IKBKE: variants seen among roughly 807,000 people sequenced by gnomAD.
IKBKE encodes the protein inhibitor of nuclear factor kappa-B kinase subunit epsilon.
Under a neutral mutation model 92.1 loss-of-function variants are expected in IKBKE, and 45 were observed. The observed-to-expected ratio is 0.49, with a 90% CI of 0.38 to 0.63. The LOEUF is 0.63. Ranked by LOEUF, IKBKE falls within the 20% of genes least tolerant of loss-of-function variation. IKBKE has a pLI of 0.00. For synonymous variants in IKBKE, 374 were observed against 380.3 expected, an observed-to-expected ratio of 0.98 and a Z score of 0.19; for missense variants, 700 against 932.8, an observed-to-expected ratio of 0.75 and a Z score of 3.25.
At chr1:206,484,091 T>TTG (rs1553387919) in intron 13 of IKBKE, among the ~76,000 whole-genome samples, 3 of 149,682 alleles carry the variant, frequency 2.0e-5, no homozygotes, top group Admixed American at 6.7e-5. Flanking sequence ...TGCCTGGCTT[T>TTG]TATTTTGTAT....
rs782485155 is a variant in IKBKE, at chr1:206,493,270, T to C, written c.1937T>C (p.Leu646Pro). 6.2e-7 allele frequency: 1 copy of C among 1,613,472 alleles called. No individual in the cohort carries two copies. Among genetic ancestry groups the C allele is most frequent in the East Asian group, 2.2e-5 (1 of 44,884 alleles). Residue 646 changes from leucine (L) to proline (P), a missense_variant, in exon 20 of 22, where the codon CTG (leucine) becomes CCG (proline). Physicochemically the swap from Leu to Pro is moderately conservative, Grantham distance 98 (BLOSUM62 -3). Transcript: ENST00000581977. ...QGVQESLSKLLEELSHQLLQD... is the reference protein window; with the variant it reads ...QGVQESLSKLPEELSHQLLQD... ...CAAAGTATGGCTTCCCTGCAGCTCC[T>C]GGAAGAGCTATCTCACCAGCTCCTT...
At chr1:206,496,048 C>A in intron 21 of IKBKE, 64 bp from the exon 22 acceptor site, 1 of 1,292,578 alleles carries the variant, frequency 7.7e-7, no homozygotes, top group Non-Finnish European at 1.1e-6. Flanking sequence ...GTGCTGGGCC[C>A]TGGAGTGTGG....
chr1:206,478,442 C>G lies in IKBKE; in HGVS notation c.992+103C>G, dbSNP rs1665191078. ...CACAGTACGTTCTGAGGAGTGTGTA[C>G]ATAGGAACGCTTCCAGGTCCAAACG... On this transcript the variant is annotated intron_variant, in intron 9 of 21. Coordinates refer to ENST00000581977, the MANE Select transcript of IKBKE (RefSeq NM_014002.4). This position sits in a 1 kb window ranked among gnomAD's most constrained non-coding sequence, Gnocchi z 4.8. 2.6e-6 allele frequency: 3 copies of G among 1,163,460 alleles called. No individual in the cohort carries two copies. The South Asian group carries it at 4.0e-5, about 16-fold the overall frequency. 72.1% of individuals were successfully genotyped at this position (1,163,460 alleles called of 1,614,324 possible).
At chr1:206,475,214 T>C (rs2103451934) in intron 5 of IKBKE, 1 of 538,114 alleles carries the variant, frequency 1.9e-6, no homozygotes, top group Middle Eastern at 4.8e-4. Flanking sequence ...ATGTGGGAGG[T>C]ACCTAAAATA....
At chr1:206,477,971 G>T in intron 8 of IKBKE, 112 bp downstream of exon 8, 1 of 902,642 alleles carries the variant, frequency 1.1e-6, no homozygotes, top group Non-Finnish European at 1.7e-6. Context: ...CATGCTGCAG[G>T]CTTGGGCACA....
At chr1:206,492,941 G>A (rs1666029211) in intron 18 of IKBKE, 82 bp from the exon 19 acceptor site, 1 of 1,219,190 alleles carries the variant, frequency 8.2e-7, no homozygotes, top group Non-Finnish European at 1.2e-6. Context: ...GTGTCCATGT[G>A]TGGATCCGAT....
intron 20 of IKBKE, 56 bp downstream of exon 20, chr1:206,493,434 C>G: frequency 7.6e-7 from 1 of 1,320,954 alleles, no homozygotes; most frequent in South Asian, 1.2e-5. Flanking sequence ...TTGCAGGGAG[C>G]AGAGTATGCT....
Position 206,478,277 on chromosome 1 carries a change from C to T in IKBKE, c.930C>T (p.Val310=), listed in dbSNP as rs544091369. The T allele has an allele frequency of 6.2e-6, 10 of 1,614,134 alleles. No homozygotes were observed. The highest frequency in any genetic ancestry group is 4.5e-5 in the East Asian group (2 of 44,888). ...AETSDILQRV[V]VHVFSLSQAV... is the part of the protein sequence containing the mutation. Reference sequence around the variant, plus strand: ...CCAGTGACATCCTGCAGCGAGTTGTCGTCCATGTCTTCTCCCTGTCCCAGG... The same window carrying T: ...CCAGTGACATCCTGCAGCGAGTTGTTGTCCATGTCTTCTCCCTGTCCCAGG... The change falls in exon 9 of 22, where the codon GTC becomes GTT. Residue 310 remains valine (V), a synonymous_variant. Transcript: ENST00000581977. The surrounding 1 kb of genome is among the most constrained non-coding windows in gnomAD (Gnocchi z 4.8).
At chr1:206,494,724 C>T (rs1263635927) in intron 21 of IKBKE, among the ~76,000 whole-genome samples, 1 of 150,470 alleles carries the variant, frequency 6.6e-6, no homozygotes, top group African/African-American at 2.4e-5. Context: ...CTGCCTCAGC[C>T]TCCTGAGTAG....
intron 15 of IKBKE, among the ~76,000 whole-genome samples, chr1:206,486,310 G>T (rs782309374): frequency 7.3e-5 from 11 of 149,962 alleles, no homozygotes; most frequent in Non-Finnish European, 4.5e-5. Flanking sequence ...GAAGGCTGCA[G>T]ATCTGAGGCC....
At position 206,478,456 on chromosome 1, in the gene IKBKE, C is replaced by T; in HGVS notation, c.992+117C>T. ...AGGAGTGTGTACATAGGAACGCTTCCAGGTCCAAACGTAGTTGGGAAAAGA... is the reference window on the plus strand; with the variant it reads ...AGGAGTGTGTACATAGGAACGCTTCTAGGTCCAAACGTAGTTGGGAAAAGA... On this transcript the variant is annotated intron_variant, in intron 9 of 21. Coordinates refer to ENST00000581977, the MANE Select transcript of IKBKE (RefSeq NM_014002.4). This position sits in a 1 kb window ranked among gnomAD's most constrained non-coding sequence, Gnocchi z 4.8. 9.7e-7 allele frequency: 1 copy of T among 1,032,782 alleles called. No individual in the cohort carries two copies. Among genetic ancestry groups the T allele is most frequent in the Non-Finnish European group, 1.4e-6 (1 of 691,334 alleles). 64.0% of individuals were successfully genotyped at this position (1,032,782 alleles called of 1,614,324 possible). A position where few individuals can be genotyped will look rare whatever the true frequency, so the allele number is the denominator to read the frequency against.
chr1:206,474,758 TG>T (rs1484960115), intron 4 of IKBKE, 106 bp from the exon 5 acceptor site: 2 of 1,382,568 alleles, frequency 1.4e-6, no homozygotes, highest in Admixed American at 4.2e-5. Context: ...GGCCAGAAGC[TG>T]GGACCTGGAG....
chr1:206,473,341 G>C, intron 3 of IKBKE, 27 bp downstream of exon 3: 6 of 1,558,772 alleles, frequency 3.8e-6, no homozygotes, highest in Non-Finnish European at 5.3e-6. Context: ...GCCAGGCCCT[G>C]TCCAGCCCAG....
rs868912701 is a variant in IKBKE at position 206,478,967 on chromosome 1, G to A, written c.1017G>A (p.Val339=). The A allele has an allele frequency of 6.2e-7, 1 of 1,614,040 alleles. No homozygotes were observed. Among genetic ancestry groups the A allele is most frequent in the Middle Eastern group, 1.6e-4 (1 of 6,062 alleles). Residue 339 remains valine (V), a synonymous_variant, in exon 10 of 22, where the codon GTG becomes GTA. Transcript: ENST00000581977. This position sits in a 1 kb window ranked among gnomAD's most constrained non-coding sequence, Gnocchi z 4.8. ...GGATAGCCATTTTCCAGGAGGCCGT[G>A]CACAAGCAGACCAGTGTGGCCCCCC... The part of the protein sequence containing the change: ...HNTIAIFQEA[V]HKQTSVAPRH...
At chr1:206,493,167 G>A in intron 19 of IKBKE, 48 bp downstream of exon 19, 2 of 1,564,738 alleles carry the variant, frequency 1.3e-6, no homozygotes, top group Non-Finnish European at 1.7e-6. Context: ...GCAGGCTGGG[G>A]CGCTTGTTAC....
At chr1:206,483,022 T>C (rs1553387550) in intron 13 of IKBKE, among the ~76,000 whole-genome samples, 1 of 152,220 alleles carries the variant, frequency 6.6e-6, no homozygotes, top group Non-Finnish European at 1.5e-5. Context: ...CAACCTTGCC[T>C]TTGTCCCAAA....
chr1:206,474,698 C>G, intron 4 of IKBKE, 167 bp from the exon 5 acceptor site: 1 of 857,094 alleles, frequency 1.2e-6, no homozygotes, highest in African/African-American at 1.7e-5. Flanking sequence ...GAATAACTGA[C>G]TTTGGATTCC....
At chr1:206,482,857 G>A (rs1035046229) in intron 13 of IKBKE, among the ~76,000 whole-genome samples, 4 of 152,216 alleles carry the variant, frequency 2.6e-5, no homozygotes, top group Non-Finnish European at 4.4e-5. Context: ...AGCTCCACCC[G>A]CAGTGGAACC....
chr1:206,492,869 G>A (rs1553390921), intron 18 of IKBKE, 154 bp from the exon 19 acceptor site: 2 of 727,730 alleles, frequency 2.7e-6, no homozygotes, highest in Non-Finnish European at 5.0e-6. Context: ...GGGCGGGCAA[G>A]CGTGGAGGGC....
Sources: allele counts gnomAD v4.1 joint callset (sites outside exome capture counted in the v4.1 genomes callset), GRCh38; gene constraint gnomAD v4.1.1; non-coding constraint Gnocchi (gnomAD v3.1); transcripts MANE v1.5; gene names NCBI Gene and HGNC (gene_info 2026-07-23, HGNC 2026-07-21).